The following PTPRT variants were observed in gnomAD, a reference collection of about 807,000 sequenced individuals.
PTPRT encodes protein tyrosine phosphatase receptor type T.
In PTPRT, 56 loss-of-function variants were observed where a neutral mutation model predicts 176.8. The observed-to-expected ratio is 0.32, with a 90% CI of 0.26 to 0.40. The LOEUF is 0.40. Among genes scored for constraint, PTPRT ranks in the 10% least tolerant of loss-of-function variants. The probability of loss-of-function intolerance (pLI) is 1.00; values close to 1 mark genes in which losing one functional copy is unlikely to be tolerated. For synonymous variants in PTPRT, 783 were observed against 739.0 expected (o/e 1.06, Z -0.96); for missense variants, 1,540 against 1,908.2 (o/e 0.81, Z 3.60).
intron 12 of PTPRT, 57 bp downstream of exon 12, chr20:42,315,666 T>G (rs1343186060): frequency 6.4e-7 from 1 of 1,569,064 alleles, no homozygotes; most frequent in South Asian, 1.1e-5. Context: ...GACTTATCAT[T>G]TGAGAATGAA....
At chr20:42,958,569 C>CA (rs1981809317) in intron 1 of PTPRT, among the ~76,000 whole-genome samples, 1 of 151,794 alleles carries the variant, frequency 6.6e-6, no homozygotes, top group African/African-American at 2.4e-5. Context: ...AAATGATGGC[C>CA]AGGAAGCCAA....
intron 7 of PTPRT, among the ~76,000 whole-genome samples, chr20:42,486,939 C>T (rs918901066): frequency 3.9e-5 from 6 of 152,088 alleles, no homozygotes; most frequent in African/African-American, 1.4e-4. Flanking sequence ...GCCACTCGTC[C>T]CACAGTTGGA....
At chr20:42,941,496 G>A (rs1049085251) in intron 1 of PTPRT, among the ~76,000 whole-genome samples, 14 of 152,210 alleles carry the variant, frequency 9.2e-5, no homozygotes, top group African/African-American at 3.4e-4. Flanking sequence ...GATATTCAAT[G>A]GGTCATAAAG....
chr20:42,051,969 G>T, the PTPRT span, among the ~76,000 whole-genome samples: 1 of 152,190 alleles, frequency 6.6e-6, no homozygotes, highest in Admixed American at 6.5e-5. Flanking sequence ...TCGAGACCTG[G>T]CTCTATTTGC....
At chr20:42,083,154 CATG>C (rs1568908319) in intron 29 of PTPRT, among the ~76,000 whole-genome samples, 1 of 76,862 alleles carries the variant, frequency 1.3e-5, no homozygotes, top group Non-Finnish European at 2.6e-5. Flanking sequence ...AAAAAACAAA[CATG>C]AGAGAGAGAG....
chr20:42,708,822 T>C (rs2076100196), intron 6 of PTPRT, among the ~76,000 whole-genome samples: 1 of 152,192 alleles, frequency 6.6e-6, no homozygotes, highest in Non-Finnish European at 1.5e-5. Context: ...GCAGTTTCAG[T>C]TTTACAACAC....
intron 15 of PTPRT, among the ~76,000 whole-genome samples, chr20:42,212,318 C>CAAA (rs71193651): frequency 9.4e-6 from 1 of 106,888 alleles, no homozygotes; most frequent in African/African-American, 3.7e-5. Context: ...AAAAAAAAGA[C>CAAA]AAAAAAAAAA....
At chr20:43,113,680 C>T (rs79223497) in intron 1 of PTPRT, among the ~76,000 whole-genome samples, 7,485 of 152,186 alleles carry the variant, frequency 0.049, 314 homozygotes, top group African/African-American at 0.11. Context: ...AACTCAAGTA[C>T]GAACCAAGGA....
At chr20:42,920,801 T>A (rs1319322316) in intron 1 of PTPRT, among the ~76,000 whole-genome samples, 1 of 152,224 alleles carries the variant, frequency 6.6e-6, no homozygotes, top group South Asian at 2.1e-4. Context: ...GGGGCTCTAA[T>A]CAGTGCAGAG....
chr20:42,952,179 G>A (rs1417079883), intron 1 of PTPRT, among the ~76,000 whole-genome samples: 1 of 152,178 alleles, frequency 6.6e-6, no homozygotes, highest in Non-Finnish European at 1.5e-5. Context: ...CCACAAGCCT[G>A]CTCCACACCA....
intron 2 of PTPRT, among the ~76,000 whole-genome samples, chr20:42,840,058 T>C (rs781033067): frequency 1.2e-4 from 19 of 152,190 alleles, no homozygotes; most frequent in Middle Eastern, 3.2e-3. Flanking sequence ...TTTCATACTA[T>C]TGGGGGCCAG....
At chr20:42,145,039 A>C (rs1988799282) in intron 17 of PTPRT, among the ~76,000 whole-genome samples, 1 of 152,124 alleles carries the variant, frequency 6.6e-6, no homozygotes, top group Non-Finnish European at 1.5e-5. Flanking sequence ...TTGGAGTTGG[A>C]ATGCTTTTTC....
chr20:42,179,432 C>T (rs80033399), intron 16 of PTPRT, among the ~76,000 whole-genome samples: 3,088 of 152,224 alleles, frequency 0.02, 103 homozygotes, highest in African/African-American at 0.07. Context: ...AATCTTTAAT[C>T]GTTAAAGAGT....
chr20:42,981,674 C>CTG (rs1325537853), intron 1 of PTPRT, among the ~76,000 whole-genome samples: 1 of 152,168 alleles, frequency 6.6e-6, no homozygotes, highest in African/African-American at 2.4e-5. Flanking sequence ...CATGAGAGAA[C>CTG]CCAGCAGAAA....
rs544882153 is a variant in PTPRT at position 42,328,984 on chromosome 20, T to A, written c.1866-12988A>T. Among the ~76,000 whole-genome samples, 188 of 151,060 alleles carry A rather than the reference T, an allele frequency of 1.2e-3. 4 individuals carry two copies. The South Asian group carries it at 0.038, about 31-fold the overall frequency. Reference sequence around the variant, plus strand: ...GAAAACACACACACCACACACACACTCTCTCACACAGTTTCCCTAAATACC... The same window carrying A: ...GAAAACACACACACCACACACACACACTCTCACACAGTTTCCCTAAATACC... On this transcript the variant is annotated intron_variant, in intron 11 of 30. Transcript: ENST00000373187.
At chr20:42,431,899 G>C (rs937924178) in intron 9 of PTPRT, among the ~76,000 whole-genome samples, 10 of 152,280 alleles carry the variant, frequency 6.6e-5, no homozygotes, top group African/African-American at 2.4e-4. Context: ...CTTTATCCAA[G>C]TGGTAACACA....
intron 14 of PTPRT, among the ~76,000 whole-genome samples, chr20:42,247,315 T>A (rs1013533865): frequency 2.6e-5 from 4 of 152,170 alleles, no homozygotes; most frequent in African/African-American, 9.6e-5. Context: ...AGGGACATCC[T>A]GGGGCTTGCA....
At chr20:42,692,993 T>C (rs140555975) in intron 6 of PTPRT, among the ~76,000 whole-genome samples, 8 of 152,300 alleles carry the variant, frequency 5.3e-5, no homozygotes, top group Admixed American at 2.0e-4. Flanking sequence ...GGTGTACATG[T>C]ATATGAAAGA....
At chr20:42,349,768 G>A (rs2058248994) in intron 11 of PTPRT, among the ~76,000 whole-genome samples, 1 of 152,162 alleles carries the variant, frequency 6.6e-6, no homozygotes, top group Non-Finnish European at 1.5e-5. Flanking sequence ...CCTCCTTCCT[G>A]GAGTTCTGGG....
Sources: allele counts gnomAD v4.1 joint callset (sites outside exome capture counted in the v4.1 genomes callset), GRCh38; gene constraint gnomAD v4.1.1; transcripts MANE v1.5; gene names NCBI Gene and HGNC (gene_info 2026-07-23, HGNC 2026-07-21).